Variants in KHDRBS2 observed in about 807,000 individuals in gnomAD.
KHDRBS2 encodes KH domain-containing, RNA-binding, signal transduction-associated protein 2.
In KHDRBS2, 26 loss-of-function variants were observed where a neutral mutation model predicts 44.3. The observed-to-expected ratio is 0.59, with a 90% confidence interval of 0.43 to 0.81. KHDRBS2 has a LOEUF of 0.81. Ranked by LOEUF, KHDRBS2 falls within the 40% of genes least tolerant of loss-of-function variation. KHDRBS2 has a pLI of 0.00. For missense variants in KHDRBS2, 476 were observed against 433.1 expected (o/e 1.10, Z -0.88); for synonymous variants, 194 against 151.1 (o/e 1.28, Z -2.08).
At chr6:61,660,372 C>A in the KHDRBS2 span, among the ~76,000 whole-genome samples, 1 of 151,754 alleles carries the variant, frequency 6.6e-6, no homozygotes, top group Admixed American at 6.6e-5. Flanking sequence ...GTTCTCAACT[C>A]TTCCCTAAGG....
In KHDRBS2 at chr6:61,756,927, A is replaced by C. The variant is rs79921269; in HGVS notation, c.811-24163T>G. 2.8e-3 allele frequency among the ~76,000 whole-genome samples: 430 copies of C among 152,298 alleles called. 5 individuals carry two copies. Among genetic ancestry groups the C allele is most frequent in the African/African-American group, 0.01 (416 of 41,564 alleles). On this transcript the variant is annotated intron_variant, in intron 6 of 8. Transcript: ENST00000281156. ...ATGATCTGCTTTGCTACTACAGATT[A>C]GTTTGATTTTTCTAGAATTTTATGT... is the stretch of plus-strand genomic sequence containing the variant.
At chr6:61,918,886 T>A (rs116537651) in intron 4 of KHDRBS2, among the ~76,000 whole-genome samples, 209 of 152,036 alleles carry the variant, frequency 1.4e-3, no homozygotes, top group Non-Finnish European at 2.1e-3. Context: ...GCAAATTACA[T>A]AGATAAATTA....
rs545309961 is a variant in KHDRBS2, at chr6:61,838,499, T to C, written c.810+56136A>G. Among the ~76,000 whole-genome samples, 20 of 152,120 alleles carry C rather than the reference T, an allele frequency of 1.3e-4. No individual in the cohort carries two copies. The South Asian group carries it at 2.7e-3, about 20-fold the overall frequency. On this transcript the variant is annotated intron_variant, in intron 6 of 8. Transcript: ENST00000281156. ...ATATTAATATATACTATTGTAATAA[T>C]ACAATAATAAAAACATCTTATTGTC...
At chr6:61,924,727 T>C (rs1043026764) in intron 4 of KHDRBS2, among the ~76,000 whole-genome samples, 12 of 151,904 alleles carry the variant, frequency 7.9e-5, no homozygotes, top group African/African-American at 2.4e-4. Context: ...TATTTTCTTA[T>C]ATTCTATTTA....
At chr6:61,816,703 ATTCT>A (rs1789007423) in intron 6 of KHDRBS2, 2 of 410,638 alleles carry the variant, frequency 4.9e-6, no homozygotes, top group Non-Finnish European at 9.9e-6. Flanking sequence ...AGACTCATTT[ATTCT>A]TAAAGAATAA....
chr6:61,812,477 A>G (rs886811868), intron 6 of KHDRBS2, among the ~76,000 whole-genome samples: 3 of 152,102 alleles, frequency 2.0e-5, no homozygotes, highest in Admixed American at 6.6e-5. Context: ...GGAGGAAACT[A>G]AAACTTATAA....
intron 7 of KHDRBS2, among the ~76,000 whole-genome samples, chr6:61,720,105 A>T (rs1442637398): frequency 6.6e-6 from 1 of 152,210 alleles, no homozygotes; most frequent in African/African-American, 2.4e-5. Flanking sequence ...AAAGGACATG[A>T]ACTCATCATT....
the KHDRBS2 span, among the ~76,000 whole-genome samples, chr6:61,562,094 A>G: frequency 6.6e-6 from 1 of 152,212 alleles, no homozygotes; most frequent in Non-Finnish European, 1.5e-5. Context: ...TTCTGACAAC[A>G]TAATTTGACA....
chr6:62,274,507 C>T (rs1196901295), intron 1 of KHDRBS2, among the ~76,000 whole-genome samples: 4 of 152,176 alleles, frequency 2.6e-5, no homozygotes, highest in Non-Finnish European at 5.9e-5. Flanking sequence ...TTCTCCTTTA[C>T]TATGTCTCCA....
chr6:62,182,968 C>T (rs1822653680), intron 1 of KHDRBS2, among the ~76,000 whole-genome samples: 2 of 151,644 alleles, frequency 1.3e-5, no homozygotes, highest in Admixed American at 6.6e-5. Context: ...TTTCTTAACC[C>T]ATGTGATTTT....
At chr6:61,950,969 G>C (rs1764614638) in intron 4 of KHDRBS2, among the ~76,000 whole-genome samples, 1 of 152,048 alleles carries the variant, frequency 6.6e-6, no homozygotes, top group Admixed American at 6.6e-5. Flanking sequence ...TAAATGCTGA[G>C]AGCTAAGCTG....
At chr6:62,261,910 G>A (rs745760681) in intron 1 of KHDRBS2, among the ~76,000 whole-genome samples, 1 of 151,708 alleles carries the variant, frequency 6.6e-6, no homozygotes, top group African/African-American at 2.4e-5. Flanking sequence ...ATCAGTTGTG[G>A]AAATACATGA....
the KHDRBS2 span, among the ~76,000 whole-genome samples, chr6:61,586,241 T>C: frequency 5.3e-5 from 8 of 152,342 alleles, no homozygotes; most frequent in Admixed American, 3.3e-4. Context: ...TGATTTAAGA[T>C]ACAGCTACAC....
intron 2 of KHDRBS2, among the ~76,000 whole-genome samples, chr6:62,061,144 C>T (rs962287007): frequency 2.6e-5 from 4 of 151,756 alleles, no homozygotes; most frequent in African/African-American, 9.7e-5. Context: ...CAGTCTGTGT[C>T]TTTTAATTGG....
At chr6:61,681,093 T>G (rs780733328) in intron 8 of KHDRBS2, 33 bp from the exon 9 acceptor site, 1 of 1,441,080 alleles carries the variant, frequency 6.9e-7, no homozygotes, top group Non-Finnish European at 9.7e-7. Context: ...AACACACACA[T>G]GACTTCACAG....
chr6:61,685,431 C>T (rs1415481954), intron 8 of KHDRBS2, among the ~76,000 whole-genome samples: 2 of 151,746 alleles, frequency 1.3e-5, no homozygotes, highest in African/African-American at 4.8e-5. Flanking sequence ...AAAGGGGTTT[C>T]AAACCAATTA....
chr6:61,634,319 G>C, the KHDRBS2 span, among the ~76,000 whole-genome samples: 2 of 150,926 alleles, frequency 1.3e-5, no homozygotes, highest in African/African-American at 2.4e-5. Context: ...ACCACTTCCA[G>C]TCTAAAGCCA....
intron 2 of KHDRBS2, among the ~76,000 whole-genome samples, chr6:62,086,818 T>G (rs1175951640): frequency 6.6e-6 from 1 of 152,028 alleles, no homozygotes; most frequent in African/African-American, 2.4e-5. Flanking sequence ...GCACCCACTG[T>G]AAGTTCTAAA....
At chr6:62,040,103 T>C (rs567139328) in intron 3 of KHDRBS2, among the ~76,000 whole-genome samples, 1 of 152,236 alleles carries the variant, frequency 6.6e-6, no homozygotes, top group South Asian at 2.1e-4. Flanking sequence ...GGCAGCCTTT[T>C]ATTTGACAAG....
Sources: gnomAD v4.1 joint callset for allele counts (sites outside exome capture counted in the v4.1 genomes callset) on GRCh38, gnomAD v4.1.1 for gene constraint, MANE v1.5 for transcripts, NCBI Gene and HGNC (gene_info 2026-07-23, HGNC 2026-07-21) for gene names.